MRPL40: variants seen among roughly 807,000 people sequenced by gnomAD.
MRPL40 encodes large ribosomal subunit protein mL40.
A neutral mutation model predicts 24.5 loss-of-function variants in MRPL40; 18 were observed. The ratio of observed to expected loss-of-function variants is 0.73; its 90% CI spans 0.51 to 1.09. MRPL40 has a LOEUF of 1.09. Among genes scored for constraint, MRPL40 ranks in the 50% least tolerant of loss-of-function variants. The pLI is 0.00. For missense variants in MRPL40, 256 were observed against 243.8 expected (o/e 1.05, Z -0.33); for synonymous variants, 108 against 94.6 (o/e 1.14, Z -0.82).
chr22:19,435,174 G>T (rs2089578884), intron 3 of MRPL40, among the ~76,000 whole-genome samples: 2 of 152,150 alleles, frequency 1.3e-5, no homozygotes, highest in Admixed American at 1.3e-4. Context: ...GAGGAGTCTT[G>T]GCTGTTTCTG....
chr22:19,433,458 G>A, intron 2 of MRPL40, 110 bp downstream of exon 2: 1 of 630,418 alleles, frequency 1.6e-6, no homozygotes, highest in Non-Finnish European at 2.9e-6. Flanking sequence ...AGCCTACAAA[G>A]TTTCTCAGTT....
intron 2 of MRPL40, among the ~76,000 whole-genome samples, chr22:19,433,757 G>A (rs918986959): frequency 6.6e-6 from 1 of 151,500 alleles, no homozygotes; most frequent in African/African-American, 2.4e-5. Context: ...TGATAGTAAA[G>A]GATTTGATTT....
intron 2 of MRPL40, 38 bp downstream of exon 2, chr22:19,433,386 G>C: frequency 7.9e-7 from 1 of 1,269,040 alleles, no homozygotes; most frequent in Non-Finnish European, 1.2e-6. Flanking sequence ...TGGGGGTAAA[G>C]GTGTCAGTCT....
chr22:19,435,167 G>T (rs1280163361), intron 3 of MRPL40, among the ~76,000 whole-genome samples: 2 of 152,152 alleles, frequency 1.3e-5, no homozygotes, highest in Admixed American at 6.5e-5. Context: ...CATGCATGAG[G>T]AGTCTTGGCT....
At chr22:19,435,611 G>A (rs1401140034) in intron 3 of MRPL40, 27 bp from the exon 4 acceptor site, 1 of 1,583,694 alleles carries the variant, frequency 6.3e-7, no homozygotes. Flanking sequence ...ATGCCAGTGA[G>A]ATTGGTAACC....
intron 1 of MRPL40, 58 bp downstream of exon 1, chr22:19,432,665 G>T: frequency 6.6e-7 from 1 of 1,506,114 alleles, no homozygotes; most frequent in South Asian, 1.3e-5. Flanking sequence ...GGGTCTTCGC[G>T]ACTGTCCGCC....
chr22:19,432,857 C>G (rs2089556387), intron 1 of MRPL40: 1 of 1,349,266 alleles, frequency 7.4e-7, no homozygotes, highest in South Asian at 1.9e-5. Flanking sequence ...GCTGTCATAT[C>G]AAGTAGTTAG....
At position 19,435,872 on chromosome 22, in the gene MRPL40, T is replaced by C. The variant is rs759156270; in HGVS notation, c.531T>C (p.His177=). ...NLFPFEKEGP[H]YTPPIPNYQP... ...TCCCCTTTGAGAAGGAAGGGCCACA[T>C]TACACACCACCGATCCCTAACTACC... The change falls in exon 4 of 4, where the codon CAT becomes CAC. Residue 177 remains histidine, a synonymous_variant. Transcript: ENST00000333130. The C allele has an allele frequency of 6.2e-7, 1 of 1,614,070 alleles. No individual in the cohort carries two copies. The highest frequency in any genetic ancestry group is 1.1e-5 in the South Asian group (1 of 91,076).
chr22:19,432,653 C>CG, intron 1 of MRPL40, 46 bp downstream of exon 1: 7 of 1,519,634 alleles, frequency 4.6e-6, no homozygotes, highest in Non-Finnish European at 6.2e-6. Context: ...AGGGCGCGTG[C>CG]GGGGTCTTCG....
rs369076033 is a variant in MRPL40, at chr22:19,435,613, T to A, written c.297-25T>A. ...GTCACAGACTTACATGCCAGTGAGA[T>A]TGGTAACCCTTAGCTTCTTTGCAGA... On this transcript the variant is annotated intron_variant, in intron 3 of 3. Coordinates refer to ENST00000333130, the MANE Select transcript of MRPL40 (RefSeq NM_003776.4). The A allele has an allele frequency of 5.7e-6, 9 of 1,585,808 alleles. 1 individual carries two copies. The South Asian group carries it at 9.2e-5, about 16-fold the overall frequency.
intron 2 of MRPL40, 64 bp from the exon 3 acceptor site, chr22:19,434,672 C>A: frequency 7.2e-7 from 1 of 1,390,662 alleles, no homozygotes. Context: ...TACTTACCAT[C>A]TTGTCTCTCA....
chr22:19,434,518 C>T (rs964808933), intron 2 of MRPL40, among the ~76,000 whole-genome samples: 22 of 152,084 alleles, frequency 1.4e-4, no homozygotes, highest in African/African-American at 4.6e-4. Flanking sequence ...CCACTGCACC[C>T]GGCTGCTTTT....
intron 3 of MRPL40, among the ~76,000 whole-genome samples, chr22:19,435,370 G>A (rs1210421105): frequency 1.3e-5 from 2 of 152,210 alleles, no homozygotes; most frequent in Admixed American, 1.3e-4. Flanking sequence ...GGTGTTAAAA[G>A]TCTTCTCTCA....
At chr22:19,434,185 T>C (rs1465246408) in intron 2 of MRPL40, among the ~76,000 whole-genome samples, 1 of 151,962 alleles carries the variant, frequency 6.6e-6, no homozygotes, top group East Asian at 1.9e-4. Flanking sequence ...CTTCCCGATT[T>C]TATACCCTGA....
Position 19,432,622 on chromosome 22 carries a change from T to A in MRPL40, c.53+15T>A. On this transcript the variant is annotated intron_variant, in intron 1 of 3. Coordinates refer to ENST00000333130, the MANE Select transcript of MRPL40 (RefSeq NM_003776.4). ...CCGACTAGCGGGTGAGTGCGGACGCTGGCCGGATAGCGGAGTGCCCAGGGC... is the reference window on the plus strand; with the variant it reads ...CCGACTAGCGGGTGAGTGCGGACGCAGGCCGGATAGCGGAGTGCCCAGGGC... 1 of 1,547,866 alleles carries A rather than the reference T, an allele frequency of 6.5e-7. No homozygotes were observed. Among genetic ancestry groups the A allele is most frequent in the Non-Finnish European group, 8.7e-7 (1 of 1,146,734 alleles).
chr22:19,432,878 G>C, intron 1 of MRPL40: 3 of 1,328,332 alleles, frequency 2.3e-6, no homozygotes, highest in South Asian at 4.1e-5. Flanking sequence ...AAGTGCCCCG[G>C]GTTTGGGAGC....
chr22:19,434,618 A>T, intron 2 of MRPL40, 118 bp from the exon 3 acceptor site: 1 of 738,348 alleles, frequency 1.4e-6, no homozygotes, highest in Non-Finnish European at 2.2e-6. Context: ...CTCATGAGTT[A>T]GTCATGCACA....
At chr22:19,433,235 G>T (rs888711792) in intron 1 of MRPL40, 30 bp from the exon 2 acceptor site, 3 of 1,510,372 alleles carry the variant, frequency 2.0e-6, no homozygotes, top group Non-Finnish European at 2.8e-6. Context: ...TGGAGAAGCA[G>T]ATATTTATAC....
chr22:19,435,828 A>G lies in MRPL40; in HGVS notation c.487A>G (p.Lys163Glu). 1.2e-6 allele frequency: 2 copies of G among 1,614,180 alleles called. No homozygotes were observed. Among genetic ancestry groups the G allele is most frequent in the East Asian group, 4.5e-5 (2 of 44,878 alleles). Residue 163 changes from lysine (K) to glutamate (E), a missense_variant, in exon 4 of 4, where the codon AAG (lysine) becomes GAG (glutamate). Physicochemically the swap from Lys to Glu is moderately conservative, Grantham distance 56 (BLOSUM62 1). Transcript: ENST00000333130. ...CCCGAAGCTCCATGCTGAGGCCATCAAGCGGGATCCTAACCTGTTCCCCTT... is the reference window on the plus strand; with the variant it reads ...CCCGAAGCTCCATGCTGAGGCCATCGAGCGGGATCCTAACCTGTTCCCCTT... ...ESPKLHAEAIKRDPNLFPFEK... is the reference protein window; with the variant it reads ...ESPKLHAEAIERDPNLFPFEK...
Sources: gnomAD v4.1 joint callset for allele counts (sites outside exome capture counted in the v4.1 genomes callset) on GRCh38, gnomAD v4.1.1 for gene constraint, MANE v1.5 for transcripts, NCBI Gene and HGNC (gene_info 2026-07-23, HGNC 2026-07-21) for gene names.